Variants in MED12L observed in about 807,000 individuals in gnomAD.
MED12L encodes the protein mediator complex subunit 12L.
A neutral mutation model predicts 281.3 loss-of-function variants in MED12L; 60 were observed. That is an observed-to-expected ratio of 0.21 (90% confidence interval 0.17 to 0.26). The LOEUF (loss-of-function observed/expected upper bound fraction) is 0.26, where lower values mean the gene tolerates loss of function less well. MED12L is among the 10% of genes least tolerant of loss of function. MED12L has a pLI of 1.00. For missense variants in MED12L, 2,146 were observed against 2,680.9 expected (o/e 0.80, Z 4.41); for synonymous variants, 974 against 987.2 (o/e 0.99, Z 0.25).
intron 37 of MED12L, 83 bp from the exon 38 acceptor site, chr3:151,389,896 A>C: frequency 7.2e-7 from 1 of 1,388,410 alleles, no homozygotes; most frequent in Non-Finnish European, 1.0e-6. Flanking sequence ...GAGGTACCTC[A>C]GATAGCTTAC....
At position 151,377,048 on chromosome 3, in the gene MED12L, A is replaced by G. The variant is rs2108073906; in HGVS notation, c.4186A>G (p.Ile1396Val). 6.2e-7 allele frequency: 1 copy of G among 1,614,150 alleles called. No homozygotes were observed. The highest frequency in any genetic ancestry group is 8.5e-7 in the Non-Finnish European group (1 of 1,179,976). Reference sequence around the variant, plus strand: ...ACTGGACAATATTGCAAAGGCAACAATAGAGGTATTCCAGCAGTCTGCAGA... The same window carrying G: ...ACTGGACAATATTGCAAAGGCAACAGTAGAGGTATTCCAGCAGTCTGCAGA... ...NLLDNIAKATIEVFQQSADLN... is the reference protein window; with the variant it reads ...NLLDNIAKATVEVFQQSADLN... Residue 1396 changes from isoleucine to valine, a missense_variant, in exon 30 of 45, where the codon ATA (isoleucine) becomes GTA (valine). Coordinates refer to ENST00000687756, the MANE Select transcript of MED12L (RefSeq NM_001393769.1).
chr3:151,307,890 A>G (rs748646539), intron 16 of MED12L, among the ~76,000 whole-genome samples: 3 of 152,158 alleles, frequency 2.0e-5, no homozygotes, highest in Non-Finnish European at 2.9e-5. Flanking sequence ...TTCCCTGACC[A>G]GTGCAAAGTA....
chr3:151,423,463 C>G (rs1718511490), intron 43 of MED12L, among the ~76,000 whole-genome samples: 1 of 152,040 alleles, frequency 6.6e-6, no homozygotes, highest in Non-Finnish European at 1.5e-5. Context: ...CTAAGAAAAG[C>G]CTATGTTTAC....
chr3:151,353,395 A>G (rs2150036235), intron 17 of MED12L, among the ~76,000 whole-genome samples: 1 of 152,352 alleles, frequency 6.6e-6, no homozygotes, highest in South Asian at 2.1e-4. Flanking sequence ...TGTACTTTTG[A>G]GAATAGACAT....
chr3:151,116,313 T>G (rs776803701), intron 2 of MED12L, 25 bp from the exon 3 acceptor site: 2 of 1,539,386 alleles, frequency 1.3e-6, no homozygotes, highest in South Asian at 2.3e-5. Flanking sequence ...ATCCTTCTGC[T>G]TAATCAATAC....
chr3:151,382,567 G>A, intron 32 of MED12L, 89 bp from the exon 33 acceptor site: 2 of 720,396 alleles, frequency 2.8e-6, no homozygotes, highest in South Asian at 2.4e-5. Context: ...AAGATAAGAA[G>A]TGGTTTTTTG....
chr3:151,367,968 A>G (rs1755495379), intron 24 of MED12L, among the ~76,000 whole-genome samples, 182 bp from the exon 25 acceptor site: 2 of 152,190 alleles, frequency 1.3e-5, no homozygotes, highest in South Asian at 4.1e-4. Flanking sequence ...GGAAACTGCT[A>G]TGTTACAGTC....
chr3:151,422,541 C>T (rs991776509), intron 43 of MED12L, among the ~76,000 whole-genome samples: 1 of 152,140 alleles, frequency 6.6e-6, no homozygotes, highest in African/African-American at 2.4e-5. Flanking sequence ...ATAAGGATAC[C>T]AGTCCTTATG....
rs780710530 is a variant in MED12L at position 151,411,520 on chromosome 3, G to C, written c.6140+13G>C. The stretch of plus-strand genomic sequence containing the variant: ...CTGGCTCTCAGAGGTGATACATGTG[G>C]AAATGATGATGGCAATAATGAACAG... On this transcript the variant is annotated intron_variant, in intron 41 of 44. Transcript: ENST00000687756. 3 of 1,609,356 alleles carry C rather than the reference G, an allele frequency of 1.9e-6. No homozygotes were observed. The African/African-American group carries it at 4.0e-5, about 22-fold the overall frequency.
At chr3:151,267,256 T>C (rs1740016713) in intron 16 of MED12L, among the ~76,000 whole-genome samples, 1 of 152,198 alleles carries the variant, frequency 6.6e-6, no homozygotes, top group Admixed American at 6.5e-5. Flanking sequence ...AAAAGGATTG[T>C]ACATTGTCAT....
chr3:151,416,272 TCTTC>T, intron 42 of MED12L, 36 bp from the exon 43 acceptor site: 1 of 1,612,360 alleles, frequency 6.2e-7, no homozygotes, highest in South Asian at 1.1e-5. Flanking sequence ...GCTGTTTTCT[TCTTC>T]CTTTTAAGTG....
At chr3:151,383,707 G>T in intron 33 of MED12L, 72 bp from the exon 34 acceptor site, 1 of 911,756 alleles carries the variant, frequency 1.1e-6, no homozygotes, top group South Asian at 1.6e-5. Context: ...ATCAAAATTT[G>T]ATAACATAAA....
Position 151,371,039 on chromosome 3 carries a change from C to T in MED12L, c.3664+1490C>T, listed in dbSNP as rs1756120579. On this transcript the variant is annotated intron_variant, in intron 26 of 44. Transcript: ENST00000687756. ...ATGTATTCTATTGTCAATGCAATTG[C>T]AGAAGGCCTGGCACAGACTCTCATA... Among the ~76,000 whole-genome samples, 3 of 152,202 alleles carry T rather than the reference C, an allele frequency of 2.0e-5. No individual in the cohort carries two copies. In the South Asian group the frequency reaches 6.2e-4, roughly 31 times the overall value.
chr3:151,364,663 G>A (rs1043101705), intron 21 of MED12L, among the ~76,000 whole-genome samples: 2 of 152,104 alleles, frequency 1.3e-5, no homozygotes, highest in African/African-American at 4.8e-5. Flanking sequence ...GTTGTTGGAA[G>A]CCATAGTAAT....
chr3:151,201,707 G>A (rs540694538), intron 16 of MED12L, among the ~76,000 whole-genome samples: 3 of 152,172 alleles, frequency 2.0e-5, no homozygotes, highest in African/African-American at 7.2e-5. Flanking sequence ...TGTCCTTGGC[G>A]ACCATGAATT....
intron 16 of MED12L, among the ~76,000 whole-genome samples, chr3:151,200,243 G>A (rs926581192): frequency 1.3e-5 from 2 of 152,146 alleles, no homozygotes; most frequent in Non-Finnish European, 2.9e-5. Flanking sequence ...CATTGAGCGG[G>A]TTTGTAAGCT....
At chr3:151,134,924 A>G (rs999889326) in intron 5 of MED12L, among the ~76,000 whole-genome samples, 8 of 141,738 alleles carry the variant, frequency 5.6e-5, no homozygotes, top group African/African-American at 5.9e-5. Flanking sequence ...CCTCTGGTGC[A>G]TGATGAAAAG....
At chr3:151,427,487 G>A (rs1400821989) in intron 43 of MED12L, among the ~76,000 whole-genome samples, 1 of 152,150 alleles carries the variant, frequency 6.6e-6, no homozygotes, top group Non-Finnish European at 1.5e-5. Flanking sequence ...TATAGTATCT[G>A]AGGCAACCAC....
At chr3:151,374,007 A>G (rs1336458805) in intron 27 of MED12L, among the ~76,000 whole-genome samples, 3 of 152,186 alleles carry the variant, frequency 2.0e-5, no homozygotes, top group Non-Finnish European at 4.4e-5. Flanking sequence ...ATATATATTT[A>G]TGAGGTCCTA....
Sources: allele counts gnomAD v4.1 joint callset (sites outside exome capture counted in the v4.1 genomes callset), GRCh38; gene constraint gnomAD v4.1.1; transcripts MANE v1.5; gene names NCBI Gene and HGNC (gene_info 2026-07-23, HGNC 2026-07-21).